CASR: variants seen among roughly 807,000 people sequenced by gnomAD.
CASR encodes calcium sensing receptor, also known as extracellular calcium-sensing receptor.
In CASR, 23 loss-of-function variants were observed where a neutral mutation model predicts 69.1. That is an observed-to-expected ratio of 0.33 (90% CI 0.24 to 0.47). CASR has a LOEUF of 0.47. CASR is among the 20% of genes least tolerant of loss of function. The pLI, the probability that CASR is intolerant of heterozygous loss-of-function variation, is 1.00. For missense variants in CASR, 924 were observed against 1,356.1 expected, an observed-to-expected ratio of 0.68 and a Z score of 5.00; for synonymous variants, 541 against 544.7, an observed-to-expected ratio of 0.99 and a Z score of 0.10.
At chr3:122,245,865 T>G (rs2107617692) in intron 1 of CASR, among the ~76,000 whole-genome samples, 1 of 152,340 alleles carries the variant, frequency 6.6e-6, no homozygotes, top group East Asian at 1.9e-4. Context: ...TCATAATAAA[T>G]AGATTCTGTG....
intron 2 of CASR, among the ~76,000 whole-genome samples, chr3:122,255,709 CATA>C (rs1388414328): frequency 1.3e-5 from 2 of 152,116 alleles, no homozygotes; most frequent in Non-Finnish European, 1.5e-5. Context: ...TGTAATATTT[CATA>C]ATAACTTTGT....
intron 1 of CASR, among the ~76,000 whole-genome samples, chr3:122,201,559 AC>A (rs1459809306): frequency 6.6e-6 from 1 of 152,014 alleles, no homozygotes; most frequent in Non-Finnish European, 1.5e-5. Flanking sequence ...GGGGCTCCTC[AC>A]TTCCCAGTAG....
At chr3:122,224,587 G>A (rs1415785904) in intron 1 of CASR, among the ~76,000 whole-genome samples, 1 of 152,108 alleles carries the variant, frequency 6.6e-6, no homozygotes, top group Admixed American at 6.6e-5. Context: ...TGGACAGGAA[G>A]CATCAATATC....
rs553580115 is a variant in CASR at position 122,290,917 on chromosome 3, C to G, written c.*5726C>G. ...ACAATAGGCCCTGGTGTGTGATGTT[C>G]CCCTTCCTGTGTCCATGTGATCTCA... is the stretch of plus-strand genomic sequence containing the variant. On this transcript the variant is annotated 3_prime_UTR_variant, in exon 7 of 7. Transcript: ENST00000639785. The G allele has an allele frequency of 6.6e-5, 9 of 135,906 alleles. No homozygotes were observed. The highest frequency in any genetic ancestry group is 2.2e-4 in the African/African-American group (8 of 35,934). 8.4% of individuals were successfully genotyped at this position (135,906 alleles called of 1,614,324 possible).
intron 1 of CASR, among the ~76,000 whole-genome samples, chr3:122,219,853 A>T (rs1017377617): frequency 5.3e-5 from 8 of 152,212 alleles, no homozygotes; most frequent in African/African-American, 1.9e-4. Flanking sequence ...TTGCAGATTT[A>T]GTTTGATCTA....
At chr3:122,222,131 G>A (rs2074177518) in intron 1 of CASR, among the ~76,000 whole-genome samples, 1 of 152,130 alleles carries the variant, frequency 6.6e-6, no homozygotes, top group Non-Finnish European at 1.5e-5. Flanking sequence ...TTATTTTTTA[G>A]TAGATTCTAC....
chr3:122,281,662 G>A (rs1482505445), intron 5 of CASR, among the ~76,000 whole-genome samples: 4 of 152,144 alleles, frequency 2.6e-5, no homozygotes, highest in Non-Finnish European at 5.9e-5. Flanking sequence ...TGCTAATGCA[G>A]TGAATAATAC....
intron 1 of CASR, among the ~76,000 whole-genome samples, chr3:122,207,745 T>C (rs2074021655): frequency 6.6e-6 from 1 of 152,202 alleles, no homozygotes; most frequent in South Asian, 2.1e-4. Flanking sequence ...TGGTTCATTT[T>C]ATTTTTCAGA....
At chr3:122,231,646 A>T (rs2074279249) in intron 1 of CASR, among the ~76,000 whole-genome samples, 1 of 152,150 alleles carries the variant, frequency 6.6e-6, no homozygotes, top group Non-Finnish European at 1.5e-5. Flanking sequence ...CCTTTCTGGT[A>T]CATGAAACAT....
chr3:122,211,569 G>A (rs576313675), intron 1 of CASR, among the ~76,000 whole-genome samples: 14 of 152,228 alleles, frequency 9.2e-5, no homozygotes, highest in African/African-American at 2.9e-4. Context: ...CTAGCTGGGC[G>A]TGGTGGCACA....
intron 1 of CASR, among the ~76,000 whole-genome samples, chr3:122,219,402 C>T (rs561847100): frequency 8.5e-4 from 130 of 152,292 alleles, no homozygotes; most frequent in Admixed American, 1.9e-3. Context: ...AAGTTGACAG[C>T]CTGGTGTAAC....
At chr3:122,194,623 A>T (rs2073870965) in intron 1 of CASR, among the ~76,000 whole-genome samples, 1 of 152,196 alleles carries the variant, frequency 6.6e-6, no homozygotes, top group African/African-American at 2.4e-5. Context: ...TATGAGAAGG[A>T]GCTTTTCTCA....
At chr3:122,267,630 C>T (rs2074709669) in intron 4 of CASR, among the ~76,000 whole-genome samples, 1 of 152,158 alleles carries the variant, frequency 6.6e-6, no homozygotes, top group Admixed American at 6.5e-5. Context: ...CAGTGGTGGC[C>T]TAAGGCTGCA....
intron 1 of CASR, among the ~76,000 whole-genome samples, chr3:122,209,996 A>C (rs1559938865): frequency 2.0e-5 from 3 of 152,246 alleles, no homozygotes; most frequent in Non-Finnish European, 2.9e-5. Context: ...CCACATGATT[A>C]TCTCAATAGA....
intron 1 of CASR, among the ~76,000 whole-genome samples, chr3:122,223,483 T>C (rs910283547): frequency 2.6e-5 from 4 of 152,020 alleles, no homozygotes; most frequent in East Asian, 3.9e-4. Flanking sequence ...TCCAAGCCTC[T>C]CAAGATTGAA....
At chr3:122,217,288 G>A (rs1355185155) in intron 1 of CASR, among the ~76,000 whole-genome samples, 3 of 152,054 alleles carry the variant, frequency 2.0e-5, no homozygotes, top group Non-Finnish European at 4.4e-5. Flanking sequence ...TTTTTGTAGA[G>A]ACAGGGTCTT....
chr3:122,187,002 T>C (rs944728447), intron 1 of CASR, among the ~76,000 whole-genome samples: 5 of 152,260 alleles, frequency 3.3e-5, no homozygotes, highest in Non-Finnish European at 7.3e-5. Context: ...ATTCTTGCTT[T>C]ATAATTAAAT....
At chr3:122,207,335 A>G (rs888451045) in intron 1 of CASR, among the ~76,000 whole-genome samples, 2 of 152,170 alleles carry the variant, frequency 1.3e-5, no homozygotes, top group Admixed American at 6.5e-5. Context: ...ACTGACATTT[A>G]TAGAACATTT....
chr3:122,240,708 C>A (rs2074371637), intron 1 of CASR, among the ~76,000 whole-genome samples: 1 of 152,196 alleles, frequency 6.6e-6, no homozygotes, highest in South Asian at 2.1e-4. Flanking sequence ...CAGAACGTTT[C>A]ATCTAACAGC....
Sources: gnomAD v4.1 joint callset for allele counts (sites outside exome capture counted in the v4.1 genomes callset) on GRCh38, gnomAD v4.1.1 for gene constraint, MANE v1.5 for transcripts, NCBI Gene and HGNC (gene_info 2026-07-23, HGNC 2026-07-21) for gene names.